Variants in CUL7 observed in about 807,000 individuals in gnomAD.
CUL7 encodes the protein cullin-7.
A neutral mutation model predicts 177.7 loss-of-function variants in CUL7; 96 were observed. The observed-to-expected ratio is 0.54, with a 90% CI of 0.46 to 0.64. CUL7 has a LOEUF of 0.64. CUL7 is among the 30% of genes least tolerant of loss of function. The probability of loss-of-function intolerance (pLI) is 0.00; values close to 1 mark genes in which losing one functional copy is unlikely to be tolerated. For synonymous variants in CUL7, 824 were observed against 890.2 expected (o/e 0.93, Z 1.32); for missense variants, 1,893 against 2,187.9 (o/e 0.87, Z 2.69).
At position 43,040,276 on chromosome 6, in the gene CUL7, G is replaced by C; in HGVS notation, c.4174C>G (p.Leu1392Val). The C allele has an allele frequency of 6.2e-7, 1 of 1,614,158 alleles. No homozygotes were observed. The highest frequency in any genetic ancestry group is 1.3e-5 in the African/African-American group (1 of 75,050). Reference sequence around the variant, plus strand: ...GGCCAGGAGTGTCGGGACAGGACAAGCACAGACACTTCTGGCATTGCCCCT... The same window carrying C: ...GGCCAGGAGTGTCGGGACAGGACAACCACAGACACTTCTGGCATTGCCCCT... Reference protein sequence around the residue: ...YEGAMPEVSVLVLSRHSWPVA... With the variant: ...YEGAMPEVSVVVLSRHSWPVA... The change falls in exon 22 of 26, where the codon CTT becomes GTT. Residue 1392 changes from leucine (L) to valine (V), a missense_variant. Around this residue, in one of 5 missense-constraint regions of CUL7, gnomAD observed 973 missense variants for 1,140.9 expected, o/e 0.85. Transcript: ENST00000265348. This position sits in a 1 kb window ranked among gnomAD's most constrained non-coding sequence, Gnocchi z 4.2.
Position 43,046,633 on chromosome 6 carries a change from AG to A in CUL7, c.2398-33del, listed in dbSNP as rs1328924743. On this transcript the variant is annotated intron_variant, in intron 10 of 25. Coordinates refer to ENST00000265348, the MANE Select transcript of CUL7 (RefSeq NM_014780.5). ...CCAGAACATCAGAGAGAAGGGGCAC[AG>A]GGGCAGAAGGAACACGGAGACACAC... The A allele has an allele frequency of 2.5e-6, 4 of 1,613,520 alleles. No homozygotes were observed. The African/African-American group carries it at 4.0e-5, about 16-fold the overall frequency.
chr6:43,038,130 C>G (rs1255928912), intron 25 of CUL7, 119 bp from the exon 26 acceptor site: 9 of 1,485,920 alleles, frequency 6.1e-6, no homozygotes, highest in Admixed American at 5.9e-5. Context: ...CGAGGTACAT[C>G]CCGACCTCAC....
chr6:43,052,904 G>T lies in CUL7; in HGVS notation c.-8-108C>A. Reference sequence around the variant, plus strand: ...CAAATGGCAACAGCTGTCAGGCGGGGTGGGGTAAAGCCAGGCCCAGGAGTT... The same window carrying T: ...CAAATGGCAACAGCTGTCAGGCGGGTTGGGGTAAAGCCAGGCCCAGGAGTT... On this transcript the variant is annotated intron_variant, in intron 1 of 25. Coordinates refer to ENST00000265348, the MANE Select transcript of CUL7 (RefSeq NM_014780.5). The surrounding 1 kb of genome is among the most constrained non-coding windows in gnomAD (Gnocchi z 4.5). The T allele has an allele frequency of 2.5e-6, 3 of 1,214,436 alleles. No individual in the cohort carries two copies. The highest frequency in any genetic ancestry group is 1.3e-5 in the South Asian group (1 of 76,720). 75.2% of individuals were successfully genotyped at this position (1,214,436 alleles called of 1,614,324 possible). A position where few individuals can be genotyped will look rare whatever the true frequency, so the allele number is the denominator to read the frequency against.
chr6:43,037,834 T>G lies in CUL7; in HGVS notation c.4951A>C (p.Thr1651Pro), dbSNP rs780899726. 4.7e-5 allele frequency: 75 copies of G among 1,612,316 alleles called. No homozygotes were observed. Among genetic ancestry groups the G allele is most frequent in the Non-Finnish European group, 5.2e-5 (61 of 1,179,382 alleles). ...GACTCAGTGTGAGGCTCCATGACAG[T>G]CACAGGGACTGCATAGGACAGCACC... ...PQVLSYAVPV[T>P]VMEPHTESLN... is the part of the protein sequence containing the mutation. The change falls in exon 26 of 26, where the codon ACT becomes CCT. Residue 1651 changes from threonine (T) to proline (P), a missense_variant. Physicochemically the swap from Thr to Pro is conservative, Grantham distance 38. Around this residue, in one of 5 missense-constraint regions of CUL7, gnomAD observed 248 missense variants for 262.5 expected, o/e 0.94. Coordinates refer to ENST00000265348, the MANE Select transcript of CUL7 (RefSeq NM_014780.5).
rs748025697 is a variant in CUL7 at position 43,040,480 on chromosome 6, C to T, written c.4023+50G>A. 2 of 1,612,524 alleles carry T rather than the reference C, an allele frequency of 1.2e-6. No homozygotes were observed. The highest frequency in any genetic ancestry group is 3.3e-5 in the Admixed American group (2 of 60,002). On this transcript the variant is annotated intron_variant, in intron 21 of 25. Coordinates refer to ENST00000265348, the MANE Select transcript of CUL7 (RefSeq NM_014780.5). This position sits in a 1 kb window ranked among gnomAD's most constrained non-coding sequence, Gnocchi z 4.2. Reference sequence around the variant, plus strand: ...ATGGCCTCCTCCAGTCTGCTCCACGCCCCTCTTCCCCCTACCCTCTTATTT... The same window carrying T: ...ATGGCCTCCTCCAGTCTGCTCCACGTCCCTCTTCCCCCTACCCTCTTATTT...
At position 43,046,333 on chromosome 6, in the gene CUL7, T is replaced by C. The variant is rs140218677; in HGVS notation, c.2563A>G (p.Lys855Glu). The C allele has an allele frequency of 6.1e-4, 977 of 1,614,206 alleles. 1 individual carries two copies. The highest frequency in any genetic ancestry group is 8.0e-4 in the Non-Finnish European group (939 of 1,180,030). ...GTCTTGGGGTTGTGGTCCGTCAGCT[T>C]GCTGGCCCGGTGCGGGTTGGAGGAC... ...EVSSNPHRASKLTDHNPKTYW... is the reference protein window; with the variant it reads ...EVSSNPHRASELTDHNPKTYW... The change falls in exon 12 of 26, where the codon AAG becomes GAG. Residue 855 changes from lysine (K) to glutamate (E), a missense_variant. Coordinates refer to ENST00000265348, the MANE Select transcript of CUL7 (RefSeq NM_014780.5).
Position 43,050,923 on chromosome 6 carries a change from C to T in CUL7, c.1233+45G>A, listed in dbSNP as rs1581958064. On this transcript the variant is annotated intron_variant, in intron 4 of 25. Coordinates refer to ENST00000265348, the MANE Select transcript of CUL7 (RefSeq NM_014780.5). The surrounding 1 kb of genome is among the most constrained non-coding windows in gnomAD (Gnocchi z 4.1). ...TATAGAAGTCCCAGCTCTGCCCTAC[C>T]CCAAATAGACCCCCAACAGTATCCC... 1.2e-6 allele frequency: 2 copies of T among 1,610,376 alleles called. No individual in the cohort carries two copies. The highest frequency in any genetic ancestry group is 8.5e-7 in the Non-Finnish European group (1 of 1,179,480).
rs779464552 is a variant in CUL7 at position 43,041,060 on chromosome 6, C to T, written c.3661G>A (p.Ala1221Thr). Residue 1221 changes from alanine to threonine, a missense_variant, in exon 20 of 26, where the codon GCC becomes ACC. By Grantham distance (58) the Ala-to-Thr change is moderately conservative (BLOSUM62 0). This residue lies in a region of CUL7 where 973 missense variants were observed against 1,140.9 expected (regional missense o/e 0.85). Transcript: ENST00000265348. ...TGGATCTGCTGGTCAATGTGCCGGG[C>T]GAACTGCTCACTCACCTGAGCAATG... Reference protein sequence around the residue: ...LKAAHVSEQFARHIDQQIQGS... With the variant: ...LKAAHVSEQFTRHIDQQIQGS... 5 of 1,613,886 alleles carry T rather than the reference C, an allele frequency of 3.1e-6. No individual in the cohort carries two copies. The highest frequency in any genetic ancestry group is 3.3e-5 in the Admixed American group (2 of 59,980).
chr6:43,038,445 T>C lies in CUL7; in HGVS notation c.4595A>G (p.Lys1532Arg), dbSNP rs1160017231. ...GGVLKIRDGS[K>R]EPRSRWDIVR... ...AATGTCCCATCTCGACCTGGGTTCC[T>C]TGCTGCCATCTCGAATCTTGAGGAC... The change falls in exon 25 of 26, where the codon AAG becomes AGG. Residue 1532 changes from lysine to arginine, a missense_variant. This residue lies in a region of CUL7 where 248 missense variants were observed against 262.5 expected (regional missense o/e 0.94). Coordinates refer to ENST00000265348, the MANE Select transcript of CUL7 (RefSeq NM_014780.5). The C allele has an allele frequency of 6.2e-7, 1 of 1,614,210 alleles. No homozygotes were observed.
chr6:43,050,845 A>G lies in CUL7; in HGVS notation c.1233+123T>C. On this transcript the variant is annotated intron_variant, in intron 4 of 25. Coordinates refer to ENST00000265348, the MANE Select transcript of CUL7 (RefSeq NM_014780.5). The surrounding 1 kb of genome is among the most constrained non-coding windows in gnomAD (Gnocchi z 4.1). The stretch of plus-strand genomic sequence containing the variant: ...CTCTCAACTACTGACTCTTTTCACC[A>G]TTCCAATCTTACCTAAAGCTTTCTC... The G allele has an allele frequency of 7.8e-7, 1 of 1,285,248 alleles. No individual in the cohort carries two copies. The highest frequency in any genetic ancestry group is 1.1e-6 in the Non-Finnish European group (1 of 911,536). 79.6% of individuals were successfully genotyped at this position (1,285,248 alleles called of 1,614,324 possible).
At chr6:43,044,688 G>A (rs903074859) in intron 16 of CUL7, 64 bp downstream of exon 16, 1 of 1,572,958 alleles carries the variant, frequency 6.4e-7, no homozygotes, top group African/African-American at 1.4e-5. Flanking sequence ...GGTAGAGCAA[G>A]AAGGAACTAA....
rs1333858907 is a variant in CUL7, at chr6:43,053,696, C to T, written c.-83G>A. The T allele has an allele frequency of 1.4e-6, 2 of 1,415,352 alleles. No homozygotes were observed. The allele number at this position is 1,415,352 out of a possible 1,614,324, so 87.7% of individuals were successfully genotyped here. A position where few individuals can be genotyped will look rare whatever the true frequency, so the allele number is the denominator to read the frequency against. On this transcript the variant is annotated 5_prime_UTR_variant, in exon 1 of 26. Coordinates refer to ENST00000265348, the MANE Select transcript of CUL7 (RefSeq NM_014780.5). The surrounding 1 kb of genome is among the most constrained non-coding windows in gnomAD (Gnocchi z 4.1). Reference sequence around the variant, plus strand: ...AGGGACGCGGCACAGACGCTGGCGGCGACTTGGGCCCCACCTGGGCCCCGC... The same window carrying T: ...AGGGACGCGGCACAGACGCTGGCGGTGACTTGGGCCCCACCTGGGCCCCGC...
chr6:43,050,246 C>A lies in CUL7; in HGVS notation c.1372+14G>T. On this transcript the variant is annotated intron_variant, in intron 5 of 25. Transcript: ENST00000265348. This position sits in a 1 kb window ranked among gnomAD's most constrained non-coding sequence, Gnocchi z 4.1. Reference sequence around the variant, plus strand: ...TCTGCTCAGAGCTGACCCTTGCTTCCTCCCTGAGCTCACCTCTACCCAGGA... The same window carrying A: ...TCTGCTCAGAGCTGACCCTTGCTTCATCCCTGAGCTCACCTCTACCCAGGA... 1.9e-6 allele frequency: 3 copies of A among 1,614,196 alleles called. No individual in the cohort carries two copies. Among genetic ancestry groups the A allele is most frequent in the Non-Finnish European group, 1.7e-6 (2 of 1,180,040 alleles).
At chr6:43,041,927 C>G (rs951504897) in intron 19 of CUL7, among the ~76,000 whole-genome samples, 4 of 146,560 alleles carry the variant, frequency 2.7e-5, no homozygotes, top group African/African-American at 1.0e-4. Context: ...TCGCTTGAAC[C>G]TGGGAGGCGG....
Position 43,050,038 on chromosome 6 carries a change from G to C in CUL7, c.1494C>G (p.Leu498=), listed in dbSNP as rs200634785. Residue 498 remains leucine, a synonymous_variant, in exon 6 of 26, where the codon CTC becomes CTG. Coordinates refer to ENST00000265348, the MANE Select transcript of CUL7 (RefSeq NM_014780.5). This position sits in a 1 kb window ranked among gnomAD's most constrained non-coding sequence, Gnocchi z 4.1. The part of the protein sequence containing the change: ...HLTLAEWWEL[L]FFIKKLDGPD... ...GTCCATCCAGCTTCTTGATGAAGAAGAGGAGTTCCCACCACTCAGCCAGGG... is the reference window on the plus strand; with the variant it reads ...GTCCATCCAGCTTCTTGATGAAGAACAGGAGTTCCCACCACTCAGCCAGGG... The C allele has an allele frequency of 8.7e-6, 14 of 1,614,192 alleles. No individual in the cohort carries two copies. Among genetic ancestry groups the C allele is most frequent in the Non-Finnish European group, 1.1e-5 (13 of 1,180,038 alleles).
In CUL7 at chr6:43,040,184, C is replaced by T; in HGVS notation, c.4266G>A (p.Leu1422=). ...TCLPSYLRGT[L]NRYSNFYNKS... is the part of the protein sequence containing the mutation. ...TGTTGTAGAAGTTGGAGTATCTGTT[C>T]AAAGTGCCCCTCAGGTAGGAGGGCA... The change falls in exon 22 of 26, where the codon TTG becomes TTA. Residue 1422 remains leucine (L), a synonymous_variant. Coordinates refer to ENST00000265348, the MANE Select transcript of CUL7 (RefSeq NM_014780.5). The surrounding 1 kb of genome is among the most constrained non-coding windows in gnomAD (Gnocchi z 4.2). 2 of 1,614,184 alleles carry T rather than the reference C, an allele frequency of 1.2e-6. No homozygotes were observed. Among genetic ancestry groups the T allele is most frequent in the Non-Finnish European group, 1.7e-6 (2 of 1,180,032 alleles).
intron 16 of CUL7, among the ~76,000 whole-genome samples, chr6:43,044,112 T>C (rs4711736): frequency 0.12 from 17,552 of 151,628 alleles, 1,662 homozygotes; most frequent in African/African-American, 0.24. Context: ...CACCTGAGAT[T>C]GGGAGTTCGA....
chr6:43,040,321 T>C lies in CUL7; in HGVS notation c.4129A>G (p.Asn1377Asp), dbSNP rs772970337. 3 of 1,613,742 alleles carry C rather than the reference T, an allele frequency of 1.9e-6. No homozygotes were observed. In the South Asian group the frequency reaches 3.3e-5, roughly 18 times the overall value. The change falls in exon 22 of 26, where the codon AAT (asparagine) becomes GAT (aspartate). Residue 1377 changes from asparagine to aspartate, a missense_variant. Physicochemically the swap from Asn to Asp is conservative, Grantham distance 23. This residue lies in a region of CUL7 where 973 missense variants were observed against 1,140.9 expected (regional missense o/e 0.85). Coordinates refer to ENST00000265348, the MANE Select transcript of CUL7 (RefSeq NM_014780.5). This position sits in a 1 kb window ranked among gnomAD's most constrained non-coding sequence, Gnocchi z 4.2. ...VAEGEEEEEE[N>D]EDLYYEGAMP... The stretch of plus-strand genomic sequence containing the variant: ...GCCCCTTCATAGTAGAGGTCCTCAT[T>C]CTCCTCCTCTTCCTCCTCTCCCTCC...
Position 43,050,067 on chromosome 6 carries a change from G to A in CUL7, c.1465C>T (p.Leu489=). The part of the protein sequence containing the change: ...EDEDTEECEH[L]TLAEWWELLF... ...AGTTCCCACCACTCAGCCAGGGTCA[G>A]GTGTTCACACTCCTCAGTGTCCTCA... The change falls in exon 6 of 26, where the codon CTG becomes TTG. Residue 489 remains leucine (L), a synonymous_variant. Transcript: ENST00000265348. This position sits in a 1 kb window ranked among gnomAD's most constrained non-coding sequence, Gnocchi z 4.1. 6.2e-7 allele frequency: 1 copy of A among 1,614,186 alleles called. No homozygotes were observed. The highest frequency in any genetic ancestry group is 1.1e-5 in the South Asian group (1 of 91,090).
Sources: gnomAD v4.1 joint callset for allele counts (sites outside exome capture counted in the v4.1 genomes callset) on GRCh38, gnomAD v4.1.1 for gene constraint, gnomAD v4.1.1 regional missense constraint, Gnocchi (gnomAD v3.1) non-coding constraint, MANE v1.5 for transcripts, NCBI Gene and HGNC (gene_info 2026-07-23, HGNC 2026-07-21) for gene names.